MID2: variants seen among roughly 807,000 people sequenced by gnomAD.
MID2 encodes midline 2, also known as probable E3 ubiquitin-protein ligase MID2.
Under a neutral mutation model 46.1 loss-of-function variants are expected in MID2, and 13 were observed. The observed-to-expected ratio is 0.28, with a 90% CI of 0.18 to 0.45. The LOEUF (loss-of-function observed/expected upper bound fraction) is 0.45. MID2 is among the 20% of genes least tolerant of loss of function. The pLI, the probability that MID2 is intolerant of heterozygous loss-of-function variation, is 1.00. For synonymous variants in MID2, 199 were observed against 212.3 expected (o/e 0.94, Z 0.55); for missense variants, 431 against 575.4 (o/e 0.75, Z 2.57).
At chrX:107,872,579 T>C (rs1265951980) in intron 3 of MID2, among the ~76,000 whole-genome samples, 1 of 112,208 alleles carries the variant, frequency 8.9e-6, no homozygotes, top group Admixed American at 9.4e-5. Context: ...CCCAGGCCTT[T>C]ACTCGGGTAT....
At chrX:107,874,635 G>A (rs1932157793) in intron 3 of MID2, among the ~76,000 whole-genome samples, 2 of 112,534 alleles carry the variant, frequency 1.8e-5, no homozygotes, top group Non-Finnish European at 3.8e-5. Flanking sequence ...GTTGGTCAGA[G>A]GCTTTTCTAG....
intron 4 of MID2, among the ~76,000 whole-genome samples, chrX:107,904,379 G>A: frequency 8.9e-6 from 1 of 111,788 alleles, no homozygotes; most frequent in Non-Finnish European, 1.9e-5. Context: ...AAAAAGTAAT[G>A]GTAGAAATGT....
At chrX:107,874,465 C>A (rs1174565200) in intron 3 of MID2, among the ~76,000 whole-genome samples, 1 of 112,626 alleles carries the variant, frequency 8.9e-6, no homozygotes, top group Non-Finnish European at 1.9e-5. Flanking sequence ...TTTTGGCTAC[C>A]AAATCAAGCT....
intron 3 of MID2, among the ~76,000 whole-genome samples, chrX:107,870,272 T>TA (rs1356484657): frequency 1.8e-5 from 2 of 111,027 alleles, no homozygotes; most frequent in East Asian, 5.6e-4. Context: ...AATCAATCTA[T>TA]AGCCTTACTA....
At position 107,930,988 on chromosome X, in the gene MID2, TGTAA is replaced by T. The variant is rs1933272199; in HGVS notation, c.*3921_*3924del. On this transcript the variant is annotated 3_prime_UTR_variant, in exon 10 of 10. Coordinates refer to ENST00000262843, the MANE Select transcript of MID2 (RefSeq NM_012216.4). ...ATGCCACATTGAGGTTCTGGCTACT[TGTAA>T]GTAAGAGTAACTGCATCTGGATGTG... 8.9e-6 allele frequency among the ~76,000 whole-genome samples: 1 copy of T among 112,735 alleles called. No homozygotes were observed. The highest frequency in any genetic ancestry group is 1.9e-5 in the Non-Finnish European group (1 of 53,337).
At chrX:107,848,809 A>C (rs911585215) in intron 2 of MID2, among the ~76,000 whole-genome samples, 1 of 112,123 alleles carries the variant, frequency 8.9e-6, no homozygotes, top group Non-Finnish European at 1.9e-5. Context: ...CTGAAGCAAA[A>C]GCAAAGTAAG....
At chrX:107,907,133 A>G (rs1202940956) in intron 5 of MID2, among the ~76,000 whole-genome samples, 1 of 112,057 alleles carries the variant, frequency 8.9e-6, no homozygotes, top group Non-Finnish European at 1.9e-5. Flanking sequence ...CACTTTTTCC[A>G]TTCCTATATT....
intron 3 of MID2, among the ~76,000 whole-genome samples, chrX:107,898,906 T>A (rs746458272): frequency 3.7e-4 from 41 of 111,053 alleles, no homozygotes; most frequent in Non-Finnish European, 6.8e-4. Flanking sequence ...TGCCATATAA[T>A]TATTATTATT....
intron 3 of MID2, among the ~76,000 whole-genome samples, chrX:107,882,026 G>A (rs1303646863): frequency 8.9e-6 from 1 of 111,903 alleles, no homozygotes; most frequent in African/African-American, 3.3e-5. Flanking sequence ...CAATGGAACA[G>A]AACAGAGGCC....
intron 3 of MID2, among the ~76,000 whole-genome samples, chrX:107,866,475 AC>A (rs1449629653): frequency 7.4e-5 from 6 of 80,775 alleles, no homozygotes; most frequent in Admixed American, 5.6e-4. Context: ...ACACACACAC[AC>A]AACACTGACC....
In MID2 at chrX:107,924,335, T is replaced by C; in HGVS notation, c.1436-8T>C. On this transcript the variant is annotated splice_region_variant and splice_polypyrimidine_tract_variant and intron_variant, in intron 7 of 9. Coordinates refer to ENST00000262843, the MANE Select transcript of MID2 (RefSeq NM_012216.4). ...TGGTTAATGTCCTTGTCTTTCCCCA[T>C]GTTACAGGCCTGTATAATTCAGTAG... 1 of 1,199,680 alleles carries C rather than the reference T, an allele frequency of 8.3e-7. No individual in the cohort carries two copies. The highest frequency in any genetic ancestry group is 1.1e-6 in the Non-Finnish European group (1 of 886,814).
intron 3 of MID2, among the ~76,000 whole-genome samples, chrX:107,888,543 G>A (rs912170491): frequency 9.0e-6 from 1 of 110,749 alleles, no homozygotes; most frequent in African/African-American, 3.3e-5. Flanking sequence ...CTTTACTGTG[G>A]TCAATTTTGG....
Position 107,926,099 on chromosome X carries a change from C to T in MID2, c.1603C>T (p.Pro535Ser), listed in dbSNP as rs756941838. 7.6e-6 allele frequency: 9 copies of T among 1,188,510 alleles called. No individual in the cohort carries two copies. The highest frequency in any genetic ancestry group is 1.0e-5 in the Non-Finnish European group (9 of 879,388). ...EPTRLKTNSQ[P>S]FKLDPKMTHK... is the part of the protein sequence containing the mutation. ...TTTTTCTACTTATTTTTCAGGCCAA[C>T]CCTTTAAATTGGATCCCAAAATGAC... The change falls in exon 9 of 10, where the codon CCC (proline) becomes TCC (serine). Residue 535 changes from proline (P) to serine (S), a missense_variant. Coordinates refer to ENST00000262843, the MANE Select transcript of MID2 (RefSeq NM_012216.4).
At chrX:107,828,310 C>CTTTTTTTTTTTTTT (rs766362742) in intron 1 of MID2, among the ~76,000 whole-genome samples, 3 of 83,006 alleles carry the variant, frequency 3.6e-5, no homozygotes, top group Non-Finnish European at 6.7e-5. Flanking sequence ...TCTTTCTTTT[C>CTTTTTTTTTTTTTT]TTTTTTTTTT....
At chrX:107,857,012 G>C (rs748664693) in intron 3 of MID2, among the ~76,000 whole-genome samples, 7 of 112,206 alleles carry the variant, frequency 6.2e-5, no homozygotes, top group African/African-American at 2.3e-4. Context: ...CCCTCTGAGG[G>C]CTTACATGCT....
Position 107,927,867 on chromosome X carries a change from C to T in MID2, c.*794C>T, listed in dbSNP as rs753318936. ...ATCATTGCCTTCCTCCCTCCTGTCA[C>T]GCACACATACACATGCAACCATGAC... On this transcript the variant is annotated 3_prime_UTR_variant, in exon 10 of 10. Coordinates refer to ENST00000262843, the MANE Select transcript of MID2 (RefSeq NM_012216.4). Among the ~76,000 whole-genome samples the T allele has an allele frequency of 8.3e-4, 92 of 111,410 alleles. No homozygotes were observed. Among genetic ancestry groups the T allele is most frequent in the Middle Eastern group, 4.7e-3 (1 of 215 alleles).
At position 107,928,342 on chromosome X, in the gene MID2, G is replaced by C. The variant is rs1348390127; in HGVS notation, c.*1269G>C. Among the ~76,000 whole-genome samples the C allele has an allele frequency of 1.8e-5, 2 of 111,391 alleles. No homozygotes were observed. The highest frequency in any genetic ancestry group is 3.3e-5 in the African/African-American group (1 of 30,677). On this transcript the variant is annotated 3_prime_UTR_variant, in exon 10 of 10. Transcript: ENST00000262843. Reference sequence around the variant, plus strand: ...TAGCCAATCCCTCCACGCAAATGGAGACAAACTTCATCCCAGTCCTAACCA... The same window carrying C: ...TAGCCAATCCCTCCACGCAAATGGACACAAACTTCATCCCAGTCCTAACCA...
In MID2 at chrX:107,913,549, G is replaced by T. The variant is rs140257861; in HGVS notation, c.1074-2453G>T. 5.4e-5 allele frequency among the ~76,000 whole-genome samples: 6 copies of T among 112,069 alleles called. No homozygotes were observed. The East Asian group carries it at 8.3e-4, about 16-fold the overall frequency. The stretch of plus-strand genomic sequence containing the variant: ...AAATATGTAGGCATTATTGACTATA[G>T]GCATAAAAGCTCCTATGCTGTCATT... On this transcript the variant is annotated intron_variant, in intron 5 of 9. Coordinates refer to ENST00000262843, the MANE Select transcript of MID2 (RefSeq NM_012216.4).
At chrX:107,828,761 C>A (rs929858471) in intron 1 of MID2, among the ~76,000 whole-genome samples, 2 of 112,767 alleles carry the variant, frequency 1.8e-5, no homozygotes, top group Middle Eastern at 4.2e-3. Context: ...TAGGACATTC[C>A]TATGACTTTT....
Sources: gnomAD v4.1 joint callset for allele counts (sites outside exome capture counted in the v4.1 genomes callset) on GRCh38, gnomAD v4.1.1 for gene constraint, MANE v1.5 for transcripts, NCBI Gene and HGNC (gene_info 2026-07-23, HGNC 2026-07-21) for gene names.